The following CEACAM5 variants were observed in gnomAD, a reference collection of about 807,000 sequenced individuals.
The protein encoded by CEACAM5 is CEA cell adhesion molecule 5, also known as cell adhesion molecule CEACAM5.
In CEACAM5, 52 loss-of-function variants were observed where a neutral mutation model predicts 63.0. The observed-to-expected ratio is 0.83, with a 90% CI of 0.66 to 1.04. The LOEUF is 1.04. Ranked by LOEUF, CEACAM5 falls within the 50% of genes least tolerant of loss-of-function variation. The probability of loss-of-function intolerance (pLI) is 0.00; values close to 1 mark genes in which losing one functional copy is unlikely to be tolerated. For synonymous variants in CEACAM5, 357 were observed against 351.3 expected, an observed-to-expected ratio of 1.02 and a Z score of -0.18; for missense variants, 790 against 864.8, an observed-to-expected ratio of 0.91 and a Z score of 1.08.
intron 8 of CEACAM5, 88 bp from the exon 9 acceptor site, chr19:41,727,146 C>A: frequency 1.0e-6 from 1 of 973,326 alleles, no homozygotes; most frequent in African/African-American, 1.6e-5. Context: ...GAGACTGCTT[C>A]ATGCTGAGAG....
chr19:41,727,598 T>C (rs2072717765), intron 9 of CEACAM5, among the ~76,000 whole-genome samples: 1 of 152,186 alleles, frequency 6.6e-6, no homozygotes, highest in Non-Finnish European at 1.5e-5. Flanking sequence ...ATTCAATACA[T>C]TGTCAAAGCC....
chr19:41,720,039 G>T lies in CEACAM5; in HGVS notation c.1602G>T (p.Trp534Cys), dbSNP rs1321339324. ...AGGCTCAGAACACAACCTACCTGTG[G>T]TGGGTAAATGGTCAGAGCCTCCCAG... The part of the protein sequence containing the change: ...EPEAQNTTYL[W>C]WVNGQSLPVS... The change falls in exon 7 of 10, where the codon TGG becomes TGT. Residue 534 changes from tryptophan to cysteine, a missense_variant. Coordinates refer to ENST00000221992, the MANE Select transcript of CEACAM5 (RefSeq NM_004363.6). 5.0e-6 allele frequency: 8 copies of T among 1,614,234 alleles called. No individual in the cohort carries two copies. Among genetic ancestry groups the T allele is most frequent in the Non-Finnish European group, 6.8e-6 (8 of 1,180,046 alleles).
At chr19:41,716,996 A>G (rs888772349) in intron 4 of CEACAM5, among the ~76,000 whole-genome samples, 2 of 152,176 alleles carry the variant, frequency 1.3e-5, no homozygotes, top group African/African-American at 4.8e-5. Context: ...CTGCTCAAAC[A>G]TCCATCTCCA....
At chr19:41,723,979 G>C (rs1387482473) in intron 8 of CEACAM5, among the ~76,000 whole-genome samples, 6 of 150,424 alleles carry the variant, frequency 4.0e-5, no homozygotes, top group Admixed American at 4.0e-4. Flanking sequence ...TAATTTTCAT[G>C]AAGTCCAGTT....
chr19:41,719,145 A>G (rs563947491), intron 6 of CEACAM5, among the ~76,000 whole-genome samples: 1 of 152,302 alleles, frequency 6.6e-6, no homozygotes, highest in African/African-American at 2.4e-5. Flanking sequence ...ACACTTGGAG[A>G]CACACAGAGA....
chr19:41,715,175 C>CAGCA lies in CEACAM5; in HGVS notation c.633_636dup (p.Tyr213LysfsTer5). On this transcript the variant is annotated frameshift_variant, in exon 3 of 10. Transcript: ENST00000221992. LOFTEE classifies it high-confidence loss of function. ...CTATTCAATGTCACAAGAAATGACA[C>CAGCA]AGCAAGCTACAAATGTGAAACCCAG... 6.2e-7 allele frequency: 1 copy of CAGCA among 1,614,228 alleles called. No homozygotes were observed. Among genetic ancestry groups the CAGCA allele is most frequent in the Non-Finnish European group, 8.5e-7 (1 of 1,180,038 alleles).
chr19:41,716,064 C>T (rs1434573645), intron 4 of CEACAM5, among the ~76,000 whole-genome samples, 160 bp downstream of exon 4: 1 of 152,192 alleles, frequency 6.6e-6, no homozygotes, highest in Admixed American at 6.5e-5. Flanking sequence ...TCTCTACAGA[C>T]TCTTTTCTTC....
chr19:41,717,864 C>A, intron 5 of CEACAM5, 131 bp downstream of exon 5: 1 of 1,239,136 alleles, frequency 8.1e-7, no homozygotes, highest in Non-Finnish European at 1.1e-6. Flanking sequence ...CTGGCCCTAC[C>A]CCCAGCAAAT....
intron 8 of CEACAM5, among the ~76,000 whole-genome samples, chr19:41,723,212 C>A (rs1555816584): frequency 1.3e-5 from 2 of 152,000 alleles, no homozygotes. Context: ...GTGTCCGGCC[C>A]CAAATGTTAA....
rs1555813800 is a variant in CEACAM5 at position 41,710,029 on chromosome 19, C to T, written c.414C>T (p.Phe138=). 3.8e-6 allele frequency: 6 copies of T among 1,598,448 alleles called. No homozygotes were observed. The highest frequency in any genetic ancestry group is 1.7e-6 in the Non-Finnish European group (2 of 1,171,858). Residue 138 remains phenylalanine (F), a synonymous_variant, in exon 2 of 10, where the codon TTC becomes TTT. Transcript: ENST00000221992. ...DLVNEEATGQ[F]RVYPELPKPS... ...TGAATGAAGAAGCAACTGGCCAGTT[C>T]CGGGTATACCGTGAGTGATTCCCCC...
intron 2 of CEACAM5, among the ~76,000 whole-genome samples, 169 bp from the exon 3 acceptor site, chr19:41,714,802 C>A (rs1310982351): frequency 6.6e-6 from 1 of 152,210 alleles, no homozygotes; most frequent in Admixed American, 6.5e-5. Flanking sequence ...GCCTCGCAGT[C>A]TCTGAGATCT....
Position 41,710,475 on chromosome 19 carries a change from C to A in CEACAM5, c.424+436C>A, listed in dbSNP as rs10408028. ...CAGGGCTGTGTTGTGGCCTCCTGGGCAAGGCTAACTGGAAGCAAGGACTTA... is the reference window on the plus strand; with the variant it reads ...CAGGGCTGTGTTGTGGCCTCCTGGGAAAGGCTAACTGGAAGCAAGGACTTA... On this transcript the variant is annotated intron_variant, in intron 2 of 9. Coordinates refer to ENST00000221992, the MANE Select transcript of CEACAM5 (RefSeq NM_004363.6). 8.3e-3 allele frequency among the ~76,000 whole-genome samples: 1,271 copies of A among 152,254 alleles called. 11 individuals carry two copies. The highest frequency in any genetic ancestry group is 0.028 in the African/African-American group (1,181 of 41,544).
intron 2 of CEACAM5, among the ~76,000 whole-genome samples, chr19:41,711,273 A>G (rs936544377): frequency 1.3e-5 from 2 of 152,150 alleles, no homozygotes; most frequent in African/African-American, 4.8e-5. Context: ...GCCCCCTCAC[A>G]TGACCTCAAA....
intron 5 of CEACAM5, 59 bp downstream of exon 5, chr19:41,717,792 G>T: frequency 3.2e-6 from 5 of 1,587,010 alleles, no homozygotes; most frequent in Non-Finnish European, 4.3e-6. Flanking sequence ...CATAGCCAAA[G>T]TCCAGGCCTC....
chr19:41,720,611 A>G (rs1302291253), intron 7 of CEACAM5, among the ~76,000 whole-genome samples: 1 of 144,492 alleles, frequency 6.9e-6, no homozygotes, highest in African/African-American at 2.6e-5. Context: ...GGTTCACACC[A>G]TTCTCCTGCC....
At chr19:41,716,009 GGCACAA>G in intron 4 of CEACAM5, 105 bp downstream of exon 4, 1 of 1,333,328 alleles carries the variant, frequency 7.5e-7, no homozygotes, top group South Asian at 1.4e-5. Flanking sequence ...GTGTCCAGTG[GGCACAA>G]GCAAATCCCA....
Position 41,709,537 on chromosome 19 carries a change from GACACACACACAC to G in CEACAM5, c.65-124_65-113del, listed in dbSNP as rs71334990. The stretch of plus-strand genomic sequence containing the variant: ...CACACTGCTGACCTTGACCTAGTAG[GACACACACACAC>G]ACACACACACACACACACTCACTCA... On this transcript the variant is annotated intron_variant, in intron 1 of 9. Transcript: ENST00000221992. 74 of 1,115,960 alleles carry G rather than the reference GACACACACACAC, an allele frequency of 6.6e-5. No individual in the cohort carries two copies. The African/African-American group carries it at 8.7e-4, about 13-fold the overall frequency. 69.1% of individuals were successfully genotyped at this position (1,115,960 alleles called of 1,614,324 possible). A position where few individuals can be genotyped will look rare whatever the true frequency, so the allele number is the denominator to read the frequency against.
intron 6 of CEACAM5, 120 bp from the exon 7 acceptor site, chr19:41,719,810 C>T: frequency 6.5e-7 from 1 of 1,537,082 alleles, no homozygotes; most frequent in Non-Finnish European, 8.8e-7. Flanking sequence ...CACACACCTG[C>T]CATGGGCTTT....
In CEACAM5 at chr19:41,720,770, G is replaced by T; in HGVS notation, c.1772-152G>T. 3 of 954,432 alleles carry T rather than the reference G, an allele frequency of 3.1e-6. No individual in the cohort carries two copies. The South Asian group carries it at 4.7e-5, about 15-fold the overall frequency. 59.1% of individuals were successfully genotyped at this position (954,432 alleles called of 1,614,324 possible). ...CCGCCTCGGCCTCCCAAAGTGCTGG[G>T]ATTACAGGCGTGAGCCACCGCACCC... is the stretch of plus-strand genomic sequence containing the variant. On this transcript the variant is annotated intron_variant, in intron 7 of 9. Transcript: ENST00000221992.
Sources: allele counts gnomAD v4.1 joint callset (sites outside exome capture counted in the v4.1 genomes callset), GRCh38; gene constraint gnomAD v4.1.1; transcripts MANE v1.5; gene names NCBI Gene and HGNC (gene_info 2026-07-23, HGNC 2026-07-21).